Variants in NPHS1 observed in about 807,000 individuals in gnomAD.
NPHS1 encodes the protein NPHS1 adhesion molecule, nephrin.
Under a neutral mutation model 139.7 loss-of-function variants are expected in NPHS1, and 107 were observed. That is an observed-to-expected ratio of 0.77 (90% CI 0.66 to 0.90). The LOEUF (loss-of-function observed/expected upper bound fraction) is 0.90. Among genes scored for constraint, NPHS1 ranks in the 40% least tolerant of loss-of-function variants. The pLI is 0.00. For missense variants in NPHS1, 1,580 were observed against 1,654.2 expected (o/e 0.96, Z 0.78); for synonymous variants, 707 against 706.6 (o/e 1.00, Z -0.01).
chr19:35,832,886 CAAAAAAAAAAA>C (rs748346116), intron 23 of NPHS1, among the ~76,000 whole-genome samples: 31 of 45,420 alleles, frequency 6.8e-4, no homozygotes, highest in South Asian at 2.9e-3. Context: ...GACCCTGTCT[CAAAAAAAAAAA>C]AAAAAAAAAA....
chr19:35,836,640 A>C (rs1425515330), intron 22 of NPHS1, among the ~76,000 whole-genome samples: 4 of 152,046 alleles, frequency 2.6e-5, no homozygotes, highest in Non-Finnish European at 5.9e-5. Context: ...TGTAGGGGTG[A>C]AAAAGTGTCC....
intron 22 of NPHS1, among the ~76,000 whole-genome samples, chr19:35,837,924 T>C (rs1357534678): frequency 6.9e-6 from 1 of 144,198 alleles, no homozygotes; most frequent in Non-Finnish European, 1.5e-5. Context: ...AATATGCATT[T>C]GAGGTTATTC....
At chr19:35,836,995 C>CA (rs1187182464) in intron 22 of NPHS1, among the ~76,000 whole-genome samples, 4,990 of 36,952 alleles carry the variant, frequency 0.14, 403 homozygotes, top group African/African-American at 0.32. Context: ...GATTCCATTG[C>CA]AAAAAAAAAA....
intron 22 of NPHS1, among the ~76,000 whole-genome samples, chr19:35,837,587 T>TCTCTC (rs1972984760): frequency 5.4e-5 from 8 of 149,164 alleles, no homozygotes; most frequent in African/African-American, 2.0e-4. Context: ...GCTTCTTTCT[T>TCTCTC]TCTCTCTCTC....
intron 22 of NPHS1, among the ~76,000 whole-genome samples, chr19:35,837,026 AAAAG>A (rs201666209): frequency 0.16 from 21,222 of 131,612 alleles, 1,729 homozygotes; most frequent in East Asian, 0.28. Flanking sequence ...AAAAGAAAAG[AAAAG>A]AAAGAAAGAA....
chr19:35,844,587 T>A, intron 14 of NPHS1, 128 bp from the exon 15 acceptor site: 1 of 976,938 alleles, frequency 1.0e-6, no homozygotes, highest in South Asian at 1.5e-5. Context: ...GTGGACAAGG[T>A]AACAAGTTCA....
At position 35,831,511 on chromosome 19, in the gene NPHS1, CA is replaced by C; in HGVS notation, c.3287-12del. On this transcript the variant is annotated splice_polypyrimidine_tract_variant and intron_variant, in intron 24 of 28. Coordinates refer to ENST00000378910, the MANE Select transcript of NPHS1 (RefSeq NM_004646.4). ...TCTTCTCTGAGATGCCTGAAGGAAA[CA>C]GGAATAAAGGGCTCAGTGACCCTAT... The C allele has an allele frequency of 1.2e-6, 2 of 1,613,826 alleles. No homozygotes were observed. Among genetic ancestry groups the C allele is most frequent in the Non-Finnish European group, 1.7e-6 (2 of 1,179,946 alleles).
In NPHS1 at chr19:35,851,633, C is replaced by T. The variant is rs1311434081; in HGVS notation, c.98G>A (p.Gly33Asp). Reference sequence around the variant, plus strand: ...CAGGTTTTCAGGCAGGGCCCAGAAGCCCCGGGGAACGGAGGCAGGAATCGC... The same window carrying T: ...CAGGTTTTCAGGCAGGGCCCAGAAGTCCCGGGGAACGGAGGCAGGAATCGC... ...QLAIPASVPRGFWALPENLTV... is the reference protein window; with the variant it reads ...QLAIPASVPRDFWALPENLTV... The change falls in exon 2 of 29, where the codon GGC (glycine) becomes GAC (aspartate). Residue 33 changes from glycine (G) to aspartate (D), a missense_variant. Coordinates refer to ENST00000378910, the MANE Select transcript of NPHS1 (RefSeq NM_004646.4). 4 of 1,613,782 alleles carry T rather than the reference C, an allele frequency of 2.5e-6. No individual in the cohort carries two copies. Among genetic ancestry groups the T allele is most frequent in the East Asian group, 4.5e-5 (2 of 44,884 alleles).
rs78465446 is a variant in NPHS1, at chr19:35,831,031, T to A, written c.3481+22A>T. 2,145 of 1,612,488 alleles carry A rather than the reference T, an allele frequency of 1.3e-3. 30 individuals are homozygous for A. The African/African-American group carries it at 0.026, about 20-fold the overall frequency. ...TCGGGGGTACCTCTGAGTGAGGGAA[T>A]CCTGACATGGTCCTAACTCACCTCG... On this transcript the variant is annotated intron_variant, in intron 27 of 28. Transcript: ENST00000378910.
rs546071058 is a variant in NPHS1, at chr19:35,838,031, C to T, written c.3109+1206G>A. Among the ~76,000 whole-genome samples the T allele has an allele frequency of 1.1e-4, 17 of 149,842 alleles. No homozygotes were observed. The South Asian group carries it at 3.6e-3, about 32-fold the overall frequency. ...CTTTGGGAGACCGAAGCTGGTGGATCACCTGAGGTCAGGAGTTCGAGATCA... is the reference window on the plus strand; with the variant it reads ...CTTTGGGAGACCGAAGCTGGTGGATTACCTGAGGTCAGGAGTTCGAGATCA... On this transcript the variant is annotated intron_variant, in intron 22 of 28. Coordinates refer to ENST00000378910, the MANE Select transcript of NPHS1 (RefSeq NM_004646.4).
chr19:35,850,820 T>A, intron 4 of NPHS1, 141 bp downstream of exon 4: 1 of 1,138,332 alleles, frequency 8.8e-7, no homozygotes, highest in Non-Finnish European at 1.3e-6. Context: ...CCTCAGCATC[T>A]CCCCACACCT....
At chr19:35,831,822 G>T in intron 23 of NPHS1, 60 bp from the exon 24 acceptor site, 1 of 1,530,896 alleles carries the variant, frequency 6.5e-7, no homozygotes. Context: ...CCAGGGGTGG[G>T]TCTCCCCGAG....
Position 35,851,957 on chromosome 19 carries a change from C to T in NPHS1, c.-120G>A, listed in dbSNP as rs1364980771. 1.2e-5 allele frequency: 10 copies of T among 803,670 alleles called. No homozygotes were observed. Among genetic ancestry groups the T allele is most frequent in the Admixed American group, 2.1e-5 (1 of 48,354 alleles). The allele number at this position is 803,670 out of a possible 1,614,324, so 49.8% of individuals were successfully genotyped here. The stretch of plus-strand genomic sequence containing the variant: ...CCTGCTTTTCTTTTTTATCTCTTTC[C>T]GTTACTCTCCTCCCTTTCTCGTTTT... On this transcript the variant is annotated 5_prime_UTR_variant, in exon 1 of 29. Transcript: ENST00000378910.
At chr19:35,843,800 G>A (rs755286434) in intron 16 of NPHS1, 4 of 669,374 alleles carry the variant, frequency 6.0e-6, no homozygotes, top group African/African-American at 3.6e-5. Flanking sequence ...GATAATTAGA[G>A]TGAGTTGAGT....
At chr19:35,837,294 G>A (rs1236405709) in intron 22 of NPHS1, among the ~76,000 whole-genome samples, 16 of 152,112 alleles carry the variant, frequency 1.1e-4, no homozygotes, top group Admixed American at 1.0e-3. Context: ...TGAATTTATT[G>A]GAATAAAGTT....
At chr19:35,843,804 G>T in intron 16 of NPHS1, 1 of 667,192 alleles carries the variant, frequency 1.5e-6, no homozygotes, top group Non-Finnish European at 2.5e-6. Flanking sequence ...ATTAGAGTGA[G>T]TTGAGTGGGC....
chr19:35,842,270 C>T lies in NPHS1; in HGVS notation c.2517G>A (p.Gln839=), dbSNP rs141886345. ...TAGTTAGGGGAGTGGGGTGCTCCAC[C>T]TGGGGGGCAACTGGGAGGGGATGGG... is the stretch of plus-strand genomic sequence containing the variant. ...LLRLVVRFAP[Q]VEHPTPLTKV... Residue 839 remains glutamine (Q), a synonymous_variant, in exon 19 of 29, where the codon CAG becomes CAA. Coordinates refer to ENST00000378910, the MANE Select transcript of NPHS1 (RefSeq NM_004646.4). The T allele has an allele frequency of 1.7e-5, 27 of 1,612,608 alleles. No homozygotes were observed. In the Middle Eastern group the frequency reaches 6.6e-4, roughly 39 times the overall value.
At position 35,831,315 on chromosome 19, in the gene NPHS1, C is replaced by T. The variant is rs774500707; in HGVS notation, c.3368G>A (p.Arg1123Gln). Residue 1123 changes from arginine to glutamine, a missense_variant, in exon 26 of 29, where the codon CGG (arginine) becomes CAG (glutamine). Arg to Gln is a conservative substitution (Grantham distance 43). Transcript: ENST00000378910. ...EYEESQWTGE[R>Q]DTQSSTVSTT... ...ACTTACCGTGGAGCTCTGAGTGTCC[C>T]GCTCTCCTGTCCACTGGCTCTCCTC... 6.2e-6 allele frequency: 10 copies of T among 1,614,002 alleles called. No homozygotes were observed. The highest frequency in any genetic ancestry group is 4.0e-5 in the African/African-American group (3 of 74,996).
At position 35,826,433 on chromosome 19, in the gene NPHS1, C is replaced by G; in HGVS notation, c.*81G>C. 1 of 1,568,568 alleles carries G rather than the reference C, an allele frequency of 6.4e-7. No individual in the cohort carries two copies. The highest frequency in any genetic ancestry group is 1.1e-5 in the South Asian group (1 of 89,998). On this transcript the variant is annotated 3_prime_UTR_variant, in exon 29 of 29. Coordinates refer to ENST00000378910, the MANE Select transcript of NPHS1 (RefSeq NM_004646.4). Reference sequence around the variant, plus strand: ...TTGGGTTTTATGGAGCTCACCTAACCAGCTCGGCCCAGGCTGTAATGAGAG... The same window carrying G: ...TTGGGTTTTATGGAGCTCACCTAACGAGCTCGGCCCAGGCTGTAATGAGAG...
Sources: allele counts gnomAD v4.1 joint callset (sites outside exome capture counted in the v4.1 genomes callset), GRCh38; gene constraint gnomAD v4.1.1; transcripts MANE v1.5; gene names NCBI Gene and HGNC (gene_info 2026-07-23, HGNC 2026-07-21).